PRKG1: variants seen among roughly 807,000 people sequenced by gnomAD.
PRKG1 encodes the protein protein kinase cGMP-dependent 1, also known as cGMP-dependent protein kinase 1.
PRKG1 carries 35 observed loss-of-function variants against 88.1 expected under a neutral mutation model. The observed-to-expected ratio is 0.40, with a 90% confidence interval of 0.30 to 0.53. The LOEUF (loss-of-function observed/expected upper bound fraction) is 0.53, where lower values mean the gene tolerates loss of function less well. Among genes scored for constraint, PRKG1 ranks in the 20% least tolerant of loss-of-function variants. The pLI is 0.59. For missense variants in PRKG1, 540 were observed against 839.8 expected (o/e 0.64, Z 4.41); for synonymous variants, 303 against 292.5 (o/e 1.04, Z -0.37).
At position 51,628,020 on chromosome 10, in the gene PRKG1, T is replaced by TCTCTCTCTCTC. The variant is rs1564579903; in HGVS notation, c.592+160184_592+160185insCTCTCTCTCTC. Among the ~76,000 whole-genome samples, 20 of 90,224 alleles carry TCTCTCTCTCTC rather than the reference T, an allele frequency of 2.2e-4. 1 individual carries two copies. Among genetic ancestry groups the TCTCTCTCTCTC allele is most frequent in the African/African-American group, 5.1e-4 (15 of 29,442 alleles). 59.2% of individuals were successfully genotyped at this position (90,224 alleles called of 152,430 possible). A position where few individuals can be genotyped will look rare whatever the true frequency, so the allele number is the denominator to read the frequency against. On this transcript the variant is annotated intron_variant, in intron 3 of 17. Coordinates refer to ENST00000373980, the MANE Select transcript of PRKG1 (RefSeq NM_006258.4). ...TCTCTCTCTCTCTCTCTTTCTTTCT[T>TCTCTCTCTCTC]TCTTTCTTTCTTTCTTTCCTTCCTT...
At chr10:52,072,991 C>T (rs1271768625) in intron 7 of PRKG1, among the ~76,000 whole-genome samples, 1 of 152,220 alleles carries the variant, frequency 6.6e-6, no homozygotes, top group Non-Finnish European at 1.5e-5. Context: ...GTAGGCTAGA[C>T]ATCCAAAGTC....
intron 1 of PRKG1, among the ~76,000 whole-genome samples, chr10:51,067,044 C>CT (rs1564586913): frequency 6.6e-6 from 1 of 151,786 alleles, no homozygotes. Context: ...TATACAACTA[C>CT]TTTTTTTTCT....
intron 3 of PRKG1, among the ~76,000 whole-genome samples, chr10:51,602,796 A>G (rs1054960591): frequency 1.3e-5 from 2 of 149,430 alleles, no homozygotes; most frequent in Non-Finnish European, 3.0e-5. Context: ...ATTCATATAT[A>G]TATTAATTTT....
chr10:52,287,772 G>C (rs1842153729), intron 14 of PRKG1, among the ~76,000 whole-genome samples: 1 of 151,200 alleles, frequency 6.6e-6, no homozygotes, highest in African/African-American at 2.4e-5. Context: ...TGCTAGCAAA[G>C]AGGATGCCTA....
intron 3 of PRKG1, among the ~76,000 whole-genome samples, chr10:51,713,586 T>C (rs751712599): frequency 5.3e-5 from 8 of 152,176 alleles, no homozygotes; most frequent in Non-Finnish European, 1.0e-4. Flanking sequence ...GAAAGAAATA[T>C]ATGTGGAATA....
intron 8 of PRKG1, among the ~76,000 whole-genome samples, chr10:52,152,525 G>T (rs1449582906): frequency 2.0e-5 from 3 of 151,996 alleles, no homozygotes; most frequent in African/African-American, 7.2e-5. Context: ...GACCTGAATG[G>T]TACTGAGAAA....
chr10:51,590,718 T>A (rs7911522), intron 3 of PRKG1, among the ~76,000 whole-genome samples: 1 of 152,084 alleles, frequency 6.6e-6, no homozygotes, highest in Non-Finnish European at 1.5e-5. Context: ...AGCTGTGTCA[T>A]CAAGCACAAT....
chr10:51,660,084 A>G (rs1351595621), intron 3 of PRKG1, among the ~76,000 whole-genome samples: 4 of 151,678 alleles, frequency 2.6e-5, no homozygotes, highest in Non-Finnish European at 5.9e-5. Context: ...TAGTTGCTGA[A>G]AAAAAGAGAC....
At chr10:51,666,855 T>G (rs970856404) in intron 3 of PRKG1, among the ~76,000 whole-genome samples, 5 of 152,002 alleles carry the variant, frequency 3.3e-5, no homozygotes, top group African/African-American at 1.2e-4. Flanking sequence ...AGTGCAGTGG[T>G]TCAATCTCAG....
At chr10:51,514,814 C>T (rs549137243) in intron 3 of PRKG1, among the ~76,000 whole-genome samples, 54 of 152,296 alleles carry the variant, frequency 3.5e-4, no homozygotes, top group African/African-American at 1.3e-3. Flanking sequence ...CTGACTCAAA[C>T]TTTTATTGCT....
At chr10:51,882,979 T>A (rs1404321682) in intron 4 of PRKG1, among the ~76,000 whole-genome samples, 1 of 152,206 alleles carries the variant, frequency 6.6e-6, no homozygotes, top group Non-Finnish European at 1.5e-5. Flanking sequence ...TCTGGGTGCA[T>A]CTGTGAGGGT....
chr10:51,870,649 A>T (rs1841133310), intron 4 of PRKG1, among the ~76,000 whole-genome samples: 1 of 152,066 alleles, frequency 6.6e-6, no homozygotes, highest in Admixed American at 6.6e-5. Context: ...ACAATCTATA[A>T]TGCTGTCAGA....
chr10:51,299,373 G>C (rs1020999810), intron 2 of PRKG1, among the ~76,000 whole-genome samples: 2 of 151,896 alleles, frequency 1.3e-5, no homozygotes, highest in Non-Finnish European at 2.9e-5. Flanking sequence ...GCCTGGCTAA[G>C]TTTTGTAATT....
intron 3 of PRKG1, among the ~76,000 whole-genome samples, chr10:51,500,478 T>C (rs1264182828): frequency 6.6e-6 from 1 of 152,216 alleles, no homozygotes; most frequent in East Asian, 1.9e-4. Flanking sequence ...TACAGTTTAG[T>C]TACCAAAAAC....
chr10:51,104,401 G>T (rs1290966083), intron 1 of PRKG1, among the ~76,000 whole-genome samples: 4 of 152,156 alleles, frequency 2.6e-5, no homozygotes, highest in African/African-American at 4.8e-5. Flanking sequence ...ATACTGAAAG[G>T]CATTACTGAC....
At chr10:51,006,709 G>A (rs76907741) in intron 1 of PRKG1, among the ~76,000 whole-genome samples, 2,195 of 151,484 alleles carry the variant, frequency 0.014, 24 homozygotes, top group Non-Finnish European at 0.021. Context: ...TGCATTTCAC[G>A]CCCCCTCCCC....
intron 1 of PRKG1, among the ~76,000 whole-genome samples, chr10:51,025,525 G>A (rs1345395703): frequency 6.6e-6 from 1 of 152,162 alleles, no homozygotes; most frequent in African/African-American, 2.4e-5. Flanking sequence ...CTCTCTTCAT[G>A]CAGGCACATT....
chr10:51,005,208 G>T (rs1206160073), intron 1 of PRKG1, among the ~76,000 whole-genome samples: 1 of 151,984 alleles, frequency 6.6e-6, no homozygotes. Context: ...GAGGAGGAAG[G>T]ATAACCTTAG....
chr10:51,026,587 A>G (rs1843209021), intron 1 of PRKG1, among the ~76,000 whole-genome samples: 1 of 152,174 alleles, frequency 6.6e-6, no homozygotes, highest in Middle Eastern at 3.2e-3. Context: ...CTCTTGACTC[A>G]TGCTGCCTTG....
Sources: allele counts gnomAD v4.1 joint callset (sites outside exome capture counted in the v4.1 genomes callset), GRCh38; gene constraint gnomAD v4.1.1; transcripts MANE v1.5; gene names NCBI Gene and HGNC (gene_info 2026-07-23, HGNC 2026-07-21).